Variants in DNAH6 observed in about 807,000 individuals in gnomAD.
DNAH6 encodes axonemal beta dynein heavy chain 6.
In DNAH6, 340 loss-of-function variants were observed where a neutral mutation model predicts 491.4. The ratio of observed to expected loss-of-function variants is 0.69; its 90% CI spans 0.63 to 0.76. DNAH6 has a LOEUF of 0.76. Among genes scored for constraint, DNAH6 ranks in the 30% least tolerant of loss-of-function variants. DNAH6 has a pLI of 0.00. For missense variants in DNAH6, 4,443 were observed against 4,972.2 expected, an observed-to-expected ratio of 0.89 and a Z score of 3.20; for synonymous variants, 1,603 against 1,686.1, an observed-to-expected ratio of 0.95 and a Z score of 1.21.
intron 46 of DNAH6, among the ~76,000 whole-genome samples, chr2:84,695,124 A>G (rs1430617786): frequency 1.3e-5 from 2 of 152,174 alleles, no homozygotes; most frequent in Non-Finnish European, 1.5e-5. Flanking sequence ...ACATGCAATG[A>G]GTTTATATCT....
At position 84,688,438 on chromosome 2, in the gene DNAH6, G is replaced by A. The variant is rs190691161; in HGVS notation, c.7138-1G>A. 6 of 1,499,994 alleles carry A rather than the reference G, an allele frequency of 4.0e-6. No homozygotes were observed. In the South Asian group the frequency reaches 4.0e-5, roughly 10 times the overall value. 92.9% of individuals were successfully genotyped at this position (1,499,994 alleles called of 1,614,324 possible). ...CTTGGTTCTTCTCCCATAAATTATAGTTTGGAGCAGATAAAGCTGATCGGA... is the reference window on the plus strand; with the variant it reads ...CTTGGTTCTTCTCCCATAAATTATAATTTGGAGCAGATAAAGCTGATCGGA... On this transcript the variant is annotated splice_acceptor_variant, in intron 44 of 76. Transcript: ENST00000389394. LOFTEE classifies it high-confidence loss of function.
At chr2:84,669,532 A>G in intron 38 of DNAH6, 22 bp downstream of exon 38, 1 of 1,538,440 alleles carries the variant, frequency 6.5e-7, no homozygotes, top group Non-Finnish European at 8.8e-7. Context: ...ACATCAAACA[A>G]GAAGTCCTCT....
intron 61 of DNAH6, among the ~76,000 whole-genome samples, chr2:84,730,552 T>TA (rs373644197): frequency 0.012 from 1,732 of 149,570 alleles, 35 homozygotes; most frequent in African/African-American, 0.04. Context: ...CTGATGAGCT[T>TA]AAAAAAAAAA....
At chr2:84,756,014 C>A (rs1673974636) in intron 63 of DNAH6, among the ~76,000 whole-genome samples, 1 of 152,200 alleles carries the variant, frequency 6.6e-6, no homozygotes, top group Non-Finnish European at 1.5e-5. Flanking sequence ...GCGTGACTTG[C>A]CATGCCATGA....
At chr2:84,812,232 TA>T in intron 72 of DNAH6, 108 bp from the exon 73 acceptor site, 1 of 913,610 alleles carries the variant, frequency 1.1e-6, no homozygotes, top group Non-Finnish European at 1.7e-6. Context: ...GGATAGAACC[TA>T]GCAACTGGCG....
chr2:84,495,561 A>G, the DNAH6 span, among the ~76,000 whole-genome samples: 1 of 152,228 alleles, frequency 6.6e-6, no homozygotes, highest in African/African-American at 2.4e-5. Flanking sequence ...GGCAGGGCTC[A>G]TCACTCATAC....
At chr2:84,751,660 G>A (rs370030430) in intron 63 of DNAH6, among the ~76,000 whole-genome samples, 30 of 152,300 alleles carry the variant, frequency 2.0e-4, no homozygotes, top group African/African-American at 6.0e-4. Context: ...AAAAACTACC[G>A]TAATTCAGAG....
intron 37 of DNAH6, among the ~76,000 whole-genome samples, chr2:84,667,697 C>G (rs1006373091): frequency 1.1e-4 from 17 of 152,146 alleles, no homozygotes; most frequent in African/African-American, 4.1e-4. Context: ...CCTCAAGGAT[C>G]TAGAACTAGA....
At chr2:84,805,339 A>G (rs1253492352) in intron 70 of DNAH6, among the ~76,000 whole-genome samples, 1 of 152,188 alleles carries the variant, frequency 6.6e-6, no homozygotes, top group African/African-American at 2.4e-5. Context: ...CATAGAATTA[A>G]AGAGTGGAAT....
In DNAH6 at chr2:84,669,342, G is replaced by A. The variant is rs1459139829; in HGVS notation, c.6138G>A (p.Arg2046=). ...WSIHMDFDTK[R]LDPWERIIPT... ...TTCATATGGACTTTGACACCAAACG[G>A]CTGGATCCCTGGGAACGAATCATAC... Residue 2046 remains arginine, a synonymous_variant, in exon 38 of 77, where the codon CGG becomes CGA. Transcript: ENST00000389394. 6.5e-7 allele frequency: 1 copy of A among 1,549,180 alleles called. No homozygotes were observed. Among genetic ancestry groups the A allele is most frequent in the Admixed American group, 2.0e-5 (1 of 50,946 alleles).
At chr2:84,506,145 C>T in the DNAH6 span, among the ~76,000 whole-genome samples, 1 of 152,238 alleles carries the variant, frequency 6.6e-6, no homozygotes, top group Admixed American at 6.5e-5. Context: ...CTGTCTTCCA[C>T]AATGGTTGAA....
At chr2:84,558,305 G>A (rs1484192794) in intron 11 of DNAH6, among the ~76,000 whole-genome samples, 5 of 151,758 alleles carry the variant, frequency 3.3e-5, no homozygotes, top group African/African-American at 1.2e-4. Flanking sequence ...GCGGGTGCCT[G>A]TAGTCCCAAC....
chr2:84,559,566 G>A (rs1177560264), intron 11 of DNAH6, among the ~76,000 whole-genome samples: 1 of 152,078 alleles, frequency 6.6e-6, no homozygotes, highest in African/African-American at 2.4e-5. Flanking sequence ...TCAAATAAAT[G>A]AGAGTATATC....
chr2:84,461,146 G>A, the DNAH6 span, among the ~76,000 whole-genome samples: 1 of 152,172 alleles, frequency 6.6e-6, no homozygotes, highest in Non-Finnish European at 1.5e-5. Context: ...TCAGAGGATG[G>A]TCTTCAGTAC....
chr2:84,493,297 T>C, the DNAH6 span, among the ~76,000 whole-genome samples: 1 of 152,088 alleles, frequency 6.6e-6, no homozygotes, highest in African/African-American at 2.4e-5. Flanking sequence ...AATGAAATAA[T>C]GTATAATATT....
At chr2:84,686,454 A>T (rs1694265493) in intron 43 of DNAH6, 30 bp from the exon 44 acceptor site, 10 of 1,236,254 alleles carry the variant, frequency 8.1e-6, no homozygotes, top group Non-Finnish European at 1.2e-5. Context: ...TTATCATTAT[A>T]TTTAAAACTT....
intron 5 of DNAH6, among the ~76,000 whole-genome samples, chr2:84,545,890 A>C (rs1678734067): frequency 6.6e-6 from 1 of 152,086 alleles, no homozygotes; most frequent in Non-Finnish European, 1.5e-5. Context: ...TGCCTATGTC[A>C]TTCCCTTATA....
intron 12 of DNAH6, among the ~76,000 whole-genome samples, chr2:84,576,704 A>G (rs1682483540): frequency 6.6e-6 from 1 of 152,182 alleles, no homozygotes; most frequent in Admixed American, 6.5e-5. Context: ...GAGGGAGGAA[A>G]TGGAGGCAAG....
intron 74 of DNAH6, among the ~76,000 whole-genome samples, 171 bp downstream of exon 74, chr2:84,813,301 A>G (rs1260984288): frequency 1.3e-5 from 2 of 152,236 alleles, no homozygotes; most frequent in Admixed American, 1.3e-4. Flanking sequence ...GGCAGAGGAA[A>G]GATGGCAGAG....
Sources: allele counts gnomAD v4.1 joint callset (sites outside exome capture counted in the v4.1 genomes callset), GRCh38; gene constraint gnomAD v4.1.1; transcripts MANE v1.5; gene names NCBI Gene and HGNC (gene_info 2026-07-23, HGNC 2026-07-21).